Variants in CLEC12A observed in about 807,000 individuals in gnomAD.
CLEC12A encodes C-type lectin protein CLL-1.
CLEC12A carries 22 observed loss-of-function variants against 26.5 expected under a neutral mutation model. The ratio of observed to expected loss-of-function variants is 0.83; its 90% CI spans 0.59 to 1.19. The LOEUF (loss-of-function observed/expected upper bound fraction) is 1.19. Ranked by LOEUF, CLEC12A falls within the 50% of genes most tolerant of loss-of-function variation. The pLI is 0.00. For synonymous variants in CLEC12A, 119 were observed against 101.9 expected (o/e 1.17, Z -1.01); for missense variants, 353 against 315.6 (o/e 1.12, Z -0.90).
At chr12:9,997,202 A>C, downstream of CLEC12A, 1 of 1,614,014 alleles carries the variant, frequency 6.2e-7, no homozygotes, top group Non-Finnish European at 8.5e-7. Flanking sequence ...ACATATTGAC[A>C]GAAGCGCTTT....
intron 4 of CLEC12A, chr12:9,991,950 T>C (rs1416914962): frequency 6.6e-6 from 1 of 152,118 alleles, no homozygotes; most frequent in African/African-American, 2.4e-5. Context: ...AAAACCCAGG[T>C]CTCTGTGTCT....
downstream of CLEC12A, among the ~76,000 whole-genome samples, chr12:10,000,556 A>T (rs1434619308): frequency 6.6e-6 from 1 of 152,246 alleles, no homozygotes; most frequent in Non-Finnish European, 1.5e-5. Context: ...AAAAATTTTT[A>T]AAAAACATTA....
intron 4 of CLEC12A, chr12:9,992,515 C>T (rs1864915724): frequency 6.6e-6 from 1 of 152,048 alleles, no homozygotes; most frequent in African/African-American, 2.4e-5. Flanking sequence ...ATGGGGAAGT[C>T]ATAGTGTTCG....
chr12:9,984,888 T>A lies in CLEC12A; in HGVS notation c.660T>A (p.Pro220=). The change falls in exon 6 of 6, where the codon CCT becomes CCA. Residue 220 remains proline, a synonymous_variant. Coordinates refer to ENST00000304361, the MANE Select transcript of CLEC12A (RefSeq NM_138337.6). ...NSSAWVIRNA[P]DLNNMYCGYI... ...CTTTCAGGGTTATAAGAAACGCACC[T>A]GACTTAAATAACATGTATTGTGGAT... The A allele has an allele frequency of 6.5e-7, 1 of 1,533,204 alleles. No individual in the cohort carries two copies. The highest frequency in any genetic ancestry group is 2.0e-5 in the Admixed American group (1 of 50,404). The allele number at this position is 1,533,204 out of a possible 1,614,324, so 95.0% of individuals were successfully genotyped here. A position where few individuals can be genotyped will look rare whatever the true frequency, so the allele number is the denominator to read the frequency against.
At chr12:9,997,244 C>T, downstream of CLEC12A, 1 of 1,613,444 alleles carries the variant, frequency 6.2e-7, no homozygotes, top group Non-Finnish European at 8.5e-7. Context: ...GTGCGATTTT[C>T]ATTCTCACCT....
chr12:9,995,207 C>T (rs756289126), exon 5 of CLEC12A: 22 of 1,613,034 alleles, frequency 1.4e-5, no homozygotes, highest in East Asian at 8.9e-5. Flanking sequence ...CGAGATAATC[C>T]GACCCAACGA....
At chr12:10,005,903 G>A in the CLEC12A span, among the ~76,000 whole-genome samples, 5 of 151,776 alleles carry the variant, frequency 3.3e-5, no homozygotes, top group Admixed American at 2.0e-4. Context: ...TGTCATTCTT[G>A]CCATTCTCTG....
chr12:9,992,924 G>A (rs1002893024), intron 4 of CLEC12A: 1 of 447,500 alleles, frequency 2.2e-6, no homozygotes, highest in Admixed American at 3.7e-5. Context: ...GAAAATTAAA[G>A]GAAAATAGAA....
chr12:9,998,938 A>G (rs1392510720), downstream of CLEC12A: 6 of 707,026 alleles, frequency 8.5e-6, no homozygotes, highest in Non-Finnish European at 1.2e-5. Flanking sequence ...CAAGAAAAAG[A>G]AATTAAACTA....
At chr12:9,953,643 T>C (rs1591807960) in intron 1 of CLEC12A, among the ~76,000 whole-genome samples, 1 of 150,416 alleles carries the variant, frequency 6.6e-6, no homozygotes, top group East Asian at 2.0e-4. Context: ...GGGGCGCCTC[T>C]GCCCGGCCGC....
At chr12:9,959,980 G>A (rs1192546732) in intron 1 of CLEC12A, among the ~76,000 whole-genome samples, 1 of 152,134 alleles carries the variant, frequency 6.6e-6, no homozygotes, top group Non-Finnish European at 1.5e-5. Context: ...ATTTCTGTAT[G>A]GACTTGCCTC....
chr12:9,973,719 G>A (rs1022346634), intron 1 of CLEC12A, among the ~76,000 whole-genome samples: 4 of 151,818 alleles, frequency 2.6e-5, no homozygotes, highest in African/African-American at 9.7e-5. Flanking sequence ...TAGTATTTAC[G>A]ATAAGTATGT....
intron 1 of CLEC12A, among the ~76,000 whole-genome samples, chr12:9,958,012 A>G (rs914059811): frequency 2.6e-5 from 4 of 152,236 alleles, no homozygotes; most frequent in African/African-American, 9.6e-5. Flanking sequence ...CTGCTCATGA[A>G]GAAGAAAATT....
chr12:9,974,819 C>T (rs1299702147), intron 1 of CLEC12A, among the ~76,000 whole-genome samples: 1 of 152,148 alleles, frequency 6.6e-6, no homozygotes, highest in African/African-American at 2.4e-5. Context: ...CCAAAACATA[C>T]TGATATGGTT....
upstream of CLEC12A, among the ~76,000 whole-genome samples, chr12:9,969,630 G>T (rs1864055764): frequency 6.6e-6 from 1 of 152,152 alleles, no homozygotes; most frequent in Non-Finnish European, 1.5e-5. Flanking sequence ...GTTGATTGAT[G>T]AAACAACGTT....
At chr12:9,956,858 A>G (rs573450093) in intron 1 of CLEC12A, among the ~76,000 whole-genome samples, 3 of 152,212 alleles carry the variant, frequency 2.0e-5, no homozygotes, top group Non-Finnish European at 4.4e-5. Flanking sequence ...CATCCATGGT[A>G]TGGAGATACA....
chr12:9,967,213 AC>A (rs1187547257), upstream of CLEC12A, among the ~76,000 whole-genome samples: 1 of 151,902 alleles, frequency 6.6e-6, no homozygotes, highest in East Asian at 2.0e-4. Context: ...TGGGGTTGGG[AC>A]TGAGGGGACA....
chr12:9,975,796 G>T (rs1289037919), intron 1 of CLEC12A, among the ~76,000 whole-genome samples: 1 of 152,162 alleles, frequency 6.6e-6, no homozygotes, highest in Non-Finnish European at 1.5e-5. Flanking sequence ...ATGCCCAGAG[G>T]CCTAGGAGGA....
chr12:10,003,472 T>C, the CLEC12A span, among the ~76,000 whole-genome samples: 1 of 152,074 alleles, frequency 6.6e-6, no homozygotes, highest in Admixed American at 6.5e-5. Flanking sequence ...AAACAATAAA[T>C]AACAATGAAT....
Sources: gnomAD v4.1 joint callset for allele counts (sites outside exome capture counted in the v4.1 genomes callset) on GRCh38, gnomAD v4.1.1 for gene constraint, MANE v1.5 for transcripts, NCBI Gene and HGNC (gene_info 2026-07-23, HGNC 2026-07-21) for gene names.